EP300: variants seen among roughly 807,000 people sequenced by gnomAD.
EP300 encodes EP300 lysine acetyltransferase.
EP300 carries 31 observed loss-of-function variants against 264.0 expected under a neutral mutation model. The observed-to-expected ratio is 0.12, with a 90% CI of 0.09 to 0.16. EP300 has a LOEUF of 0.16. EP300 is among the 10% of genes least tolerant of loss of function. The probability of loss-of-function intolerance (pLI) is 1.00; values close to 1 mark genes in which losing one functional copy is unlikely to be tolerated. For synonymous variants in EP300, 1,340 were observed against 1,045.4 expected (o/e 1.28, Z -5.44); for missense variants, 2,766 against 3,052.9 (o/e 0.91, Z 2.21).
chr22:41,121,730 G>A (rs1477157119), intron 2 of EP300, among the ~76,000 whole-genome samples: 1 of 152,162 alleles, frequency 6.6e-6, no homozygotes, highest in Non-Finnish European at 1.5e-5. Flanking sequence ...ATTGTTTGGG[G>A]AAATATTTGG....
chr22:41,131,367 T>C, intron 5 of EP300, 21 bp from the exon 6 acceptor site: 2 of 1,612,474 alleles, frequency 1.2e-6, no homozygotes, highest in Non-Finnish European at 8.5e-7. Context: ...TTTGTAATAC[T>C]ATATCTTTTG....
chr22:41,149,770 T>C lies in EP300; in HGVS notation c.2389T>C (p.Ser797Pro). ...TTTTTTATTTTAACAGGCACAAATGTCTAGTTCTTCCTGCCCGGTGAACTC... is the reference window on the plus strand; with the variant it reads ...TTTTTTATTTTAACAGGCACAAATGCCTAGTTCTTCCTGCCCGGTGAACTC... ...GQAPVSQAQM[S>P]SSSCPVNSPI... The change falls in exon 14 of 31, where the codon TCT becomes CCT. Residue 797 changes from serine to proline, a missense_variant. Ser to Pro is a moderately conservative substitution (Grantham distance 74). Transcript: ENST00000263253. 1 of 1,614,176 alleles carries C rather than the reference T, an allele frequency of 6.2e-7. No homozygotes were observed.
intron 11 of EP300, 91 bp from the exon 12 acceptor site, chr22:41,147,746 A>AG (rs1569106244): frequency 9.8e-7 from 1 of 1,018,774 alleles, no homozygotes; most frequent in African/African-American, 1.6e-5. Flanking sequence ...TCAAAAAAAA[A>AG]AAAAGATACA....
intron 6 of EP300, among the ~76,000 whole-genome samples, chr22:41,135,059 A>AC (rs1425263967): frequency 1.3e-5 from 2 of 151,620 alleles, no homozygotes; most frequent in Non-Finnish European, 2.9e-5. Context: ...GGCGCACACC[A>AC]CCACCTTTTT....
At chr22:41,175,353 C>T (rs1317378163) in intron 29 of EP300, among the ~76,000 whole-genome samples, 1 of 152,166 alleles carries the variant, frequency 6.6e-6, no homozygotes, top group Non-Finnish European at 1.5e-5. Context: ...TTCCTAATTT[C>T]TTAAGGGGAT....
chr22:41,170,363 G>T (rs2059162472), intron 26 of EP300, 43 bp from the exon 27 acceptor site: 3 of 1,582,730 alleles, frequency 1.9e-6, no homozygotes, highest in Admixed American at 1.7e-5. Context: ...TTCTAGAATA[G>T]ATTATCTCTT....
chr22:41,154,963 A>G (rs1478300121), intron 16 of EP300, 32 bp from the exon 17 acceptor site: 3 of 1,395,360 alleles, frequency 2.1e-6, no homozygotes, highest in South Asian at 1.2e-5. Context: ...CTTAATTGGT[A>G]ACTAATTTCA....
chr22:41,155,490 T>C (rs2059071960), intron 17 of EP300, among the ~76,000 whole-genome samples: 1 of 152,148 alleles, frequency 6.6e-6, no homozygotes, highest in African/African-American at 2.4e-5. Flanking sequence ...CATCTCAGCC[T>C]CCCAGAGTGC....
At chr22:41,102,029 C>CTTTTTTTT (rs5845488) in intron 1 of EP300, among the ~76,000 whole-genome samples, 8 of 119,258 alleles carry the variant, frequency 6.7e-5, no homozygotes, top group Admixed American at 1.8e-4. Context: ...TTTTTCTTTT[C>CTTTTTTTT]TTTTTTTTTT....
intron 1 of EP300, 66 bp downstream of exon 1, chr22:41,093,164 CT>C: frequency 6.6e-7 from 1 of 1,506,208 alleles, no homozygotes; most frequent in Non-Finnish European, 9.2e-7. Flanking sequence ...CGCCTTTATT[CT>C]TCCATTTTTT....
intron 1 of EP300, among the ~76,000 whole-genome samples, chr22:41,099,681 C>T (rs2145674930): frequency 6.6e-6 from 1 of 152,274 alleles, no homozygotes; most frequent in African/African-American, 2.4e-5. Context: ...AAGCAATTTA[C>T]AGCTTCTCTT....
intron 1 of EP300, among the ~76,000 whole-genome samples, chr22:41,098,249 T>G (rs2058712812): frequency 6.6e-6 from 1 of 152,204 alleles, no homozygotes; most frequent in Admixed American, 6.5e-5. Flanking sequence ...AAATTACTGC[T>G]CACTTTCCCA....
At chr22:41,142,107 C>G (rs4820429) in intron 10 of EP300, among the ~76,000 whole-genome samples, 111,056 of 152,116 alleles carry the variant, frequency 0.73, 40,996 homozygotes, top group East Asian at 1. Context: ...CTTATTGGTA[C>G]GATCAAAGTA....
At chr22:41,141,011 T>G in intron 9 of EP300, 37 bp from the exon 10 acceptor site, 1 of 1,600,428 alleles carries the variant, frequency 6.2e-7, no homozygotes, top group South Asian at 1.1e-5. Flanking sequence ...GTTCCTTTTT[T>G]CCTCATCTCC....
Position 41,150,150 on chromosome 22 carries a change from T to C in EP300, c.2769T>C (p.Ser923=), listed in dbSNP as rs753775264. Residue 923 remains serine, a synonymous_variant, in exon 14 of 31, where the codon TCT becomes TCC. Coordinates refer to ENST00000263253, the MANE Select transcript of EP300 (RefSeq NM_001429.4). ...QPRSQQSTAA[S]VPTPTAPLLP... ...GCTCACAGCAGAGCACAGCAGCGTC[T>C]GTTCCTACCCCAACAGCACCGCTGC... 1.2e-6 allele frequency: 2 copies of C among 1,611,976 alleles called. No individual in the cohort carries two copies. Among genetic ancestry groups the C allele is most frequent in the Admixed American group, 3.3e-5 (2 of 59,946 alleles).
chr22:41,178,942 C>G lies in EP300; in HGVS notation c.7231C>G (p.Leu2411Val), dbSNP rs976178904. 5 of 1,613,754 alleles carry G rather than the reference C, an allele frequency of 3.1e-6. No homozygotes were observed. Among genetic ancestry groups the G allele is most frequent in the Middle Eastern group, 3.3e-4 (2 of 6,062 alleles). ...GAATTCAAACCTCTCACAGAGTACA[C>G]TAGACATACACTAGAGACACCTTGT... ...DLNSNLSQST[L>V]DIH The change falls in exon 31 of 31, where the codon CTA (leucine) becomes GTA (valine). Residue 2411 changes from leucine (L) to valine (V), a missense_variant. Leu to Val is a conservative substitution (Grantham distance 32). Coordinates refer to ENST00000263253, the MANE Select transcript of EP300 (RefSeq NM_001429.4).
chr22:41,155,168 TGA>T, intron 17 of EP300, 55 bp downstream of exon 17: 1 of 1,238,484 alleles, frequency 8.1e-7, no homozygotes, highest in South Asian at 1.2e-5. Context: ...ACAGCTTTAT[TGA>T]GAGATAATTC....
In EP300 at chr22:41,177,803, C is replaced by T. The variant is rs1433089339; in HGVS notation, c.6092C>T (p.Pro2031Leu). 2.5e-5 allele frequency: 41 copies of T among 1,613,932 alleles called. No individual in the cohort carries two copies. Among genetic ancestry groups the T allele is most frequent in the Middle Eastern group, 1.6e-4 (1 of 6,084 alleles). Residue 2031 changes from proline to leucine, a missense_variant, in exon 31 of 31, where the codon CCA becomes CTA. Transcript: ENST00000263253. Reference protein sequence around the residue: ...HGQPLNMAPQPGLGQVGISPL... With the variant: ...HGQPLNMAPQLGLGQVGISPL... ...CAACCTTTGAACATGGCTCCACAACCAGGATTGGGCCAGGTAGGTATCAGC... is the reference window on the plus strand; with the variant it reads ...CAACCTTTGAACATGGCTCCACAACTAGGATTGGGCCAGGTAGGTATCAGC...
At chr22:41,102,344 G>C (rs758349705) in intron 1 of EP300, among the ~76,000 whole-genome samples, 2 of 152,132 alleles carry the variant, frequency 1.3e-5, no homozygotes, top group Non-Finnish European at 2.9e-5. Flanking sequence ...TATCCTGGTG[G>C]CTGTCTTTGA....
Sources: allele counts gnomAD v4.1 joint callset (sites outside exome capture counted in the v4.1 genomes callset), GRCh38; gene constraint gnomAD v4.1.1; transcripts MANE v1.5; gene names NCBI Gene and HGNC (gene_info 2026-07-23, HGNC 2026-07-21).